CFAP299: variants seen among roughly 807,000 people sequenced by gnomAD.
CFAP299 encodes cilia- and flagella-associated protein 299.
Under a neutral mutation model 27.0 loss-of-function variants are expected in CFAP299, and 21 were observed. That is an observed-to-expected ratio of 0.78 (90% CI 0.55 to 1.12). CFAP299 has a LOEUF of 1.12. Ranked by LOEUF, CFAP299 falls within the 50% of genes most tolerant of loss-of-function variation. The pLI, the probability that CFAP299 is intolerant of heterozygous loss-of-function variation, is 0.00. For synonymous variants in CFAP299, 104 were observed against 98.1 expected (o/e 1.06, Z -0.36); for missense variants, 310 against 276.6 (o/e 1.12, Z -0.86).
At chr4:80,489,976 C>T (rs1313335942) in intron 2 of CFAP299, among the ~76,000 whole-genome samples, 6 of 152,010 alleles carry the variant, frequency 3.9e-5, no homozygotes, top group Admixed American at 2.6e-4. Flanking sequence ...TTATAACTCC[C>T]GTGTCAAATT....
At chr4:80,395,869 A>C (rs77695827) in intron 2 of CFAP299, among the ~76,000 whole-genome samples, 188 of 152,294 alleles carry the variant, frequency 1.2e-3, no homozygotes, top group African/African-American at 4.3e-3. Context: ...TCCTTCAGTT[A>C]CTGGTGACTG....
chr4:80,900,745 T>C (rs2110194930), intron 4 of CFAP299, among the ~76,000 whole-genome samples: 1 of 151,966 alleles, frequency 6.6e-6, no homozygotes, highest in African/African-American at 2.4e-5. Flanking sequence ...CAATAAATAG[T>C]TATTTTAAAT....
At chr4:80,897,859 A>C (rs1224547874) in intron 4 of CFAP299, among the ~76,000 whole-genome samples, 12 of 152,224 alleles carry the variant, frequency 7.9e-5, no homozygotes, top group Non-Finnish European at 2.9e-5. Context: ...AAATTGAAAC[A>C]GGGTATTTCC....
Position 80,567,625 on chromosome 4 carries a change from C to T in CFAP299, c.243-15468C>T, listed in dbSNP as rs1246881814. 4.0e-5 allele frequency among the ~76,000 whole-genome samples: 6 copies of T among 151,810 alleles called. No individual in the cohort carries two copies. The South Asian group carries it at 6.2e-4, about 16-fold the overall frequency. Reference sequence around the variant, plus strand: ...ATAATAATCTCTCAGAGATTAAAGGCGGATTGTCTGTTGAATTGATGCTCA... The same window carrying T: ...ATAATAATCTCTCAGAGATTAAAGGTGGATTGTCTGTTGAATTGATGCTCA... On this transcript the variant is annotated intron_variant, in intron 2 of 5. Transcript: ENST00000358105.
At chr4:80,813,567 G>C (rs557167647) in intron 3 of CFAP299, among the ~76,000 whole-genome samples, 3 of 151,946 alleles carry the variant, frequency 2.0e-5, no homozygotes, top group South Asian at 4.1e-4. Flanking sequence ...GTAAGGCTTC[G>C]GGGCTTGTGA....
intron 2 of CFAP299, among the ~76,000 whole-genome samples, chr4:80,414,917 T>A (rs1374523902): frequency 6.6e-6 from 1 of 152,228 alleles, no homozygotes; most frequent in Non-Finnish European, 1.5e-5. Flanking sequence ...TAAATACCAC[T>A]AAGGGTGGGA....
chr4:80,607,272 G>A (rs1316054969), intron 3 of CFAP299, among the ~76,000 whole-genome samples: 2 of 152,090 alleles, frequency 1.3e-5, no homozygotes, highest in East Asian at 3.8e-4. Flanking sequence ...CATCGCACCT[G>A]AAATTTTTCT....
chr4:80,815,409 T>C (rs1452025331), intron 3 of CFAP299, among the ~76,000 whole-genome samples: 3 of 151,984 alleles, frequency 2.0e-5, no homozygotes, highest in Non-Finnish European at 4.4e-5. Flanking sequence ...TCCCTTTCTA[T>C]TATAATTACT....
chr4:80,386,805 G>T, intron 2 of CFAP299: 1 of 1,052,772 alleles, frequency 9.5e-7, no homozygotes, highest in Non-Finnish European at 1.5e-6. Context: ...GTCGATAAAG[G>T]GCATTTATAT....
At chr4:80,480,420 A>G (rs146529050) in intron 2 of CFAP299, among the ~76,000 whole-genome samples, 7 of 152,104 alleles carry the variant, frequency 4.6e-5, no homozygotes, top group African/African-American at 9.6e-5. Flanking sequence ...TATTTGTTTG[A>G]TTACAGTTAT....
At chr4:80,752,562 G>A (rs1464919533) in intron 3 of CFAP299, among the ~76,000 whole-genome samples, 2 of 150,438 alleles carry the variant, frequency 1.3e-5, no homozygotes, top group Admixed American at 6.6e-5. Context: ...TTTGTAGACA[G>A]CATATAGTTG....
chr4:80,369,646 T>A (rs1328530610), intron 2 of CFAP299, among the ~76,000 whole-genome samples: 1 of 152,220 alleles, frequency 6.6e-6, no homozygotes, highest in South Asian at 2.1e-4. Context: ...CATCAGTTAC[T>A]CTACAAGATC....
intron 3 of CFAP299, among the ~76,000 whole-genome samples, chr4:80,796,846 T>A: frequency 6.6e-6 from 1 of 152,156 alleles, no homozygotes; most frequent in East Asian, 1.9e-4. Flanking sequence ...CACTTCCATT[T>A]GCCCTTTCCC....
chr4:80,631,758 G>A (rs949920078), intron 3 of CFAP299, among the ~76,000 whole-genome samples: 13 of 151,202 alleles, frequency 8.6e-5, no homozygotes, highest in African/African-American at 3.2e-4. Flanking sequence ...CTTTAGCCAC[G>A]TGAACAATAA....
At chr4:80,752,415 T>TAC (rs199658708) in intron 3 of CFAP299, among the ~76,000 whole-genome samples, 2,349 of 146,690 alleles carry the variant, frequency 0.016, 58 homozygotes, top group African/African-American at 0.055. Flanking sequence ...TATATATATA[T>TAC]ACACATATAT....
chr4:80,593,059 T>A (rs1426394591), intron 3 of CFAP299, among the ~76,000 whole-genome samples: 1 of 152,194 alleles, frequency 6.6e-6, no homozygotes, highest in Non-Finnish European at 1.5e-5. Context: ...CATTCCTTTT[T>A]CCCACTATTT....
chr4:80,440,976 T>C (rs1163594393), intron 2 of CFAP299, among the ~76,000 whole-genome samples: 1 of 151,812 alleles, frequency 6.6e-6, no homozygotes, highest in Non-Finnish European at 1.5e-5. Context: ...GAAGATCAAA[T>C]GAAAATAAAG....
chr4:80,399,820 C>T (rs917651827), intron 2 of CFAP299, among the ~76,000 whole-genome samples: 1 of 151,976 alleles, frequency 6.6e-6, no homozygotes, highest in African/African-American at 2.4e-5. Context: ...GCACGTGTAC[C>T]CTAGAACTTA....
At chr4:80,772,781 G>T (rs1293460573) in intron 3 of CFAP299, among the ~76,000 whole-genome samples, 1 of 151,880 alleles carries the variant, frequency 6.6e-6, no homozygotes, top group East Asian at 1.9e-4. Flanking sequence ...TTCTCATTGT[G>T]CAACTCTCAC....
Sources: gnomAD v4.1 joint callset for allele counts (sites outside exome capture counted in the v4.1 genomes callset) on GRCh38, gnomAD v4.1.1 for gene constraint, MANE v1.5 for transcripts, NCBI Gene and HGNC (gene_info 2026-07-23, HGNC 2026-07-21) for gene names.